Variants in SFMBT1 observed in about 807,000 individuals in gnomAD.
SFMBT1 encodes Scm like with four mbt domains 1.
SFMBT1 carries 32 observed loss-of-function variants against 108.7 expected under a neutral mutation model. The ratio of observed to expected loss-of-function variants is 0.29; its 90% CI spans 0.22 to 0.40. SFMBT1 has a LOEUF of 0.40. Among genes scored for constraint, SFMBT1 ranks in the 10% least tolerant of loss-of-function variants. SFMBT1 has a pLI of 1.00. For missense variants in SFMBT1, 816 were observed against 1,059.6 expected (o/e 0.77, Z 3.19); for synonymous variants, 348 against 369.5 (o/e 0.94, Z 0.67).
intron 11 of SFMBT1, among the ~76,000 whole-genome samples, chr3:52,921,266 A>C (rs1001762655): frequency 2.0e-5 from 3 of 152,206 alleles, no homozygotes; most frequent in Non-Finnish European, 4.4e-5. Flanking sequence ...GTACTCACGC[A>C]GCGCCTTGCA....
intron 1 of SFMBT1, among the ~76,000 whole-genome samples, chr3:53,001,100 C>T (rs1698533640): frequency 6.7e-6 from 1 of 150,152 alleles, no homozygotes; most frequent in Non-Finnish European, 1.5e-5. Flanking sequence ...AAGAACCACA[C>T]AAAATTCCAA....
chr3:52,922,739 C>T (rs1702555704), intron 10 of SFMBT1, among the ~76,000 whole-genome samples: 1 of 152,182 alleles, frequency 6.6e-6, no homozygotes, highest in Non-Finnish European at 1.5e-5. Context: ...ACCATTCCTT[C>T]CTCTCCCCTA....
In SFMBT1 at chr3:52,979,995, A is replaced by G. The variant is rs1335561953; in HGVS notation, c.-130-10737T>C. On this transcript the variant is annotated intron_variant, in intron 1 of 20. Transcript: ENST00000394752. ...TTTTGGAGATTTATGACAATTTGAA[A>G]AAACTTGCAGACAAACCATGTAGCT... Among the ~76,000 whole-genome samples, 5 of 152,242 alleles carry G rather than the reference A, an allele frequency of 3.3e-5. No individual in the cohort carries two copies. The East Asian group carries it at 9.6e-4, about 29-fold the overall frequency.
At chr3:53,016,423 T>C (rs1378703621) in intron 1 of SFMBT1, among the ~76,000 whole-genome samples, 1 of 152,216 alleles carries the variant, frequency 6.6e-6, no homozygotes, top group Non-Finnish European at 1.5e-5. Context: ...CCAATGTGGT[T>C]GTATCAACAC....
chr3:52,939,124 TTCTC>T (rs1303436164), intron 4 of SFMBT1, among the ~76,000 whole-genome samples: 1 of 152,254 alleles, frequency 6.6e-6, no homozygotes, highest in Non-Finnish European at 1.5e-5. Context: ...AACTTGGTCT[TTCTC>T]CTAAATAGCC....
intron 1 of SFMBT1, among the ~76,000 whole-genome samples, chr3:53,040,967 AATT>A (rs1700025382): frequency 1.4e-5 from 1 of 72,832 alleles, no homozygotes; most frequent in Middle Eastern, 9.4e-3. Flanking sequence ...AAGACACCTG[AATT>A]TTTTTTTTTT....
intron 1 of SFMBT1, among the ~76,000 whole-genome samples, chr3:52,982,963 G>A (rs1704768600): frequency 6.6e-6 from 1 of 152,190 alleles, no homozygotes. Flanking sequence ...ATCCCTCTAT[G>A]ATATGGCACT....
At chr3:52,906,847 C>T (rs1399102230) in intron 19 of SFMBT1, among the ~76,000 whole-genome samples, 1 of 152,102 alleles carries the variant, frequency 6.6e-6, no homozygotes, top group Non-Finnish European at 1.5e-5. Context: ...TTAAAACAAG[C>T]AGCTACTCTG....
chr3:52,928,074 G>A (rs1278968389), intron 9 of SFMBT1, 117 bp downstream of exon 9: 21 of 1,319,144 alleles, frequency 1.6e-5, no homozygotes, highest in Non-Finnish European at 1.7e-5. Context: ...CCCCAAAAAC[G>A]TTAGGAACAG....
At chr3:52,922,396 G>A (rs1434751174) in intron 10 of SFMBT1, among the ~76,000 whole-genome samples, 1 of 152,182 alleles carries the variant, frequency 6.6e-6, no homozygotes, top group East Asian at 1.9e-4. Flanking sequence ...CTGAACATCT[G>A]CGTTTGAGTG....
chr3:53,003,453 G>A (rs1201980239), intron 1 of SFMBT1, among the ~76,000 whole-genome samples: 2 of 150,132 alleles, frequency 1.3e-5, no homozygotes, highest in Non-Finnish European at 3.0e-5. Context: ...AATTGTGAAC[G>A]TGCATGAGAG....
intron 1 of SFMBT1, among the ~76,000 whole-genome samples, chr3:53,001,949 A>T (rs1222605614): frequency 6.8e-6 from 1 of 147,748 alleles, no homozygotes; most frequent in Non-Finnish European, 1.5e-5. Context: ...ACACACACAC[A>T]CACACACACA....
Position 52,959,333 on chromosome 3 carries a change from C to A in SFMBT1, c.29-4922G>T, listed in dbSNP as rs1357462898. Among the ~76,000 whole-genome samples, 3 of 152,144 alleles carry A rather than the reference C, an allele frequency of 2.0e-5. No individual in the cohort carries two copies. The East Asian group carries it at 5.8e-4, about 29-fold the overall frequency. On this transcript the variant is annotated intron_variant, in intron 2 of 20. Transcript: ENST00000394752. ...AATCACTTCCCACCATATCTACTGGCTATCTCTAGTCCAAGGTCTAACCAC... is the reference window on the plus strand; with the variant it reads ...AATCACTTCCCACCATATCTACTGGATATCTCTAGTCCAAGGTCTAACCAC...
chr3:53,033,843 G>T (rs1699770266), intron 1 of SFMBT1, among the ~76,000 whole-genome samples: 2 of 151,800 alleles, frequency 1.3e-5, no homozygotes, highest in Admixed American at 6.6e-5. Context: ...GCCAAGGCAG[G>T]CGGGTCACCT....
At chr3:52,966,216 C>A (rs71299700) in intron 2 of SFMBT1, among the ~76,000 whole-genome samples, 13,759 of 147,794 alleles carry the variant, frequency 0.093, 548 homozygotes, top group African/African-American at 0.11. Flanking sequence ...ACTCGGGAGG[C>A]TGAGGCAGGA....
At chr3:52,986,629 G>A (rs970973900) in intron 1 of SFMBT1, among the ~76,000 whole-genome samples, 5 of 151,628 alleles carry the variant, frequency 3.3e-5, no homozygotes, top group Non-Finnish European at 4.4e-5. Flanking sequence ...AAACTTAGTC[G>A]GGCAGGCATG....
intron 14 of SFMBT1, among the ~76,000 whole-genome samples, chr3:52,914,151 T>A (rs1478549202): frequency 6.6e-6 from 1 of 152,112 alleles, no homozygotes; most frequent in Non-Finnish European, 1.5e-5. Context: ...ATCTCTAAGT[T>A]TTTTTTGTAC....
intron 1 of SFMBT1, among the ~76,000 whole-genome samples, chr3:52,979,362 TG>T (rs1350050693): frequency 2.4e-4 from 36 of 152,344 alleles, no homozygotes; most frequent in African/African-American, 7.7e-4. Context: ...CCCACTCAGA[TG>T]AAGTCCAAAC....
chr3:52,934,917 A>C lies in SFMBT1; in HGVS notation c.365-16T>G. On this transcript the variant is annotated splice_polypyrimidine_tract_variant and intron_variant, in intron 4 of 20. Transcript: ENST00000394752. ...TCTCTGATGCCTAGATGAGGGAATA[A>C]ATGACTGATTACTCAAAATGCCAGC... is the stretch of plus-strand genomic sequence containing the variant. 6.2e-7 allele frequency: 1 copy of C among 1,603,676 alleles called. No homozygotes were observed. The highest frequency in any genetic ancestry group is 8.5e-7 in the Non-Finnish European group (1 of 1,172,860).
Sources: gnomAD v4.1 joint callset for allele counts (sites outside exome capture counted in the v4.1 genomes callset) on GRCh38, gnomAD v4.1.1 for gene constraint, MANE v1.5 for transcripts, NCBI Gene and HGNC (gene_info 2026-07-23, HGNC 2026-07-21) for gene names.